The following RPL29 variants were observed in gnomAD, a reference collection of about 807,000 sequenced individuals.
RPL29 encodes large ribosomal subunit protein eL29.
In RPL29, 4 loss-of-function variants were observed where a neutral mutation model predicts 7.2. That is an observed-to-expected ratio of 0.55 (90% CI 0.27 to 1.26). The LOEUF is 1.26. Ranked by LOEUF, RPL29 falls within the 50% of genes most tolerant of loss-of-function variation. The pLI, the probability that RPL29 is intolerant of heterozygous loss-of-function variation, is 0.11. For synonymous variants in RPL29, 73 were observed against 72.8 expected, an observed-to-expected ratio of 1.00 and a Z score of -0.01; for missense variants, 148 against 209.1, an observed-to-expected ratio of 0.71 and a Z score of 1.80.
chr3:51,994,106 C>T lies in RPL29; in HGVS notation c.123G>A (p.Arg41=). Residue 41 remains arginine, a synonymous_variant, in exon 4 of 4, where the codon AGG becomes AGA. Transcript: ENST00000294189. ...TGTGCTTCTTGGCAAAGCGCATGTT[C>T]CTCAGGAACTTGGGGTCCACCTGAA... The part of the protein sequence containing the change: ...SLKGVDPKFL[R]NMRFAKKHNK... 2 of 1,599,376 alleles carry T rather than the reference C, an allele frequency of 1.3e-6. No individual in the cohort carries two copies. The highest frequency in any genetic ancestry group is 2.2e-5 in the East Asian group (1 of 44,734).
Position 51,993,946 on chromosome 3 carries a change from G to T in RPL29, c.283C>A (p.Arg95=). The change falls in exon 4 of 4, where the codon CGA becomes AGA. Residue 95 remains arginine (R), a synonymous_variant. Coordinates refer to ENST00000294189, the MANE Select transcript of RPL29 (RefSeq NM_000992.3). The part of the protein sequence containing the change: ...IPKGVSRKLD[R]LAYIAHPKLG... ...TTGGGGTGGGCAATGTAGGCAAGTC[G>T]ATCGAGCTTGCGGCTGACACCCTTT... 6.3e-7 allele frequency: 1 copy of T among 1,596,702 alleles called. No individual in the cohort carries two copies. Among genetic ancestry groups the T allele is most frequent in the Non-Finnish European group, 8.5e-7 (1 of 1,179,788 alleles).
chr3:51,994,879 T>G, intron 3 of RPL29, 163 bp downstream of exon 3: 1 of 779,962 alleles, frequency 1.3e-6, no homozygotes, highest in Non-Finnish European at 2.4e-6. Flanking sequence ...AAGGAAAGCT[T>G]TATTATGGGT....
At chr3:51,995,681 C>T (rs1701305149) in intron 1 of RPL29, 176 bp downstream of exon 1, 4 of 585,948 alleles carry the variant, frequency 6.8e-6, no homozygotes, top group Admixed American at 6.0e-5. Context: ...AGCTGCATTC[C>T]CCAATAAAGT....
chr3:51,995,488 G>T lies in RPL29; in HGVS notation c.-8-19C>A, dbSNP rs756695106. The stretch of plus-strand genomic sequence containing the variant: ...TCTGCACCTGGAAGACAAAAGTGGA[G>T]ATCAGGGTTAAGGGCTCGCCAGGCT... On this transcript the variant is annotated intron_variant, in intron 1 of 3. Coordinates refer to ENST00000294189, the MANE Select transcript of RPL29 (RefSeq NM_000992.3). The T allele has an allele frequency of 2.5e-6, 4 of 1,613,432 alleles. No individual in the cohort carries two copies. The South Asian group carries it at 3.3e-5, about 13-fold the overall frequency.
chr3:51,994,992 G>A, intron 3 of RPL29, 50 bp downstream of exon 3: 10 of 1,509,422 alleles, frequency 6.6e-6, no homozygotes, highest in Non-Finnish European at 9.2e-6. Context: ...GGCCTTGACT[G>A]TGCACCTGGA....
chr3:51,995,710 C>T (rs1559785488), intron 1 of RPL29, 147 bp downstream of exon 1: 1 of 546,686 alleles, frequency 1.8e-6, no homozygotes, highest in South Asian at 2.1e-5. Context: ...CTGCCATCCC[C>T]CTCCTAGGAC....
intron 1 of RPL29, 148 bp downstream of exon 1, chr3:51,995,709 C>G (rs1027856922): frequency 1.1e-5 from 6 of 554,722 alleles, no homozygotes; most frequent in Admixed American, 3.1e-5. Flanking sequence ...CCTGCCATCC[C>G]CCTCCTAGGA....
At position 51,995,022 on chromosome 3, in the gene RPL29, A is replaced by G. The variant is rs1321496526; in HGVS notation, c.102+20T>C. 6.2e-7 allele frequency: 1 copy of G among 1,603,676 alleles called. No individual in the cohort carries two copies. The highest frequency in any genetic ancestry group is 8.5e-7 in the Non-Finnish European group (1 of 1,170,812). ...CCTGGAACCAAGAAAAGACACTTCC[A>G]TGTGATTCAGTGCACTCACCCCCTT... On this transcript the variant is annotated intron_variant, in intron 3 of 3. Transcript: ENST00000294189.
At position 51,993,808 on chromosome 3, in the gene RPL29, C is replaced by G; in HGVS notation, c.421G>C (p.Ala141Pro). Residue 141 changes from alanine (A) to proline (P), a missense_variant, in exon 4 of 4, where the codon GCT becomes CCT. Coordinates refer to ENST00000294189, the MANE Select transcript of RPL29 (RefSeq NM_000992.3). ...DQTKAQAAAP[A>P]SVPAQAPKRT... ...TTGGGAGCCTGAGCTGGAACTGAAG[C>G]TGGGGCTGCAGCCTGGGCCTTGGTT... The G allele has an allele frequency of 1.3e-6, 2 of 1,596,112 alleles. No individual in the cohort carries two copies. Among genetic ancestry groups the G allele is most frequent in the South Asian group, 1.1e-5 (1 of 90,964 alleles).
rs1399587755 is a variant in RPL29 at position 51,993,971 on chromosome 3, T to G, written c.258A>C (p.Pro86=). 4.4e-6 allele frequency: 7 copies of G among 1,597,190 alleles called. No homozygotes were observed. The Admixed American group carries it at 1.2e-4, about 27-fold the overall frequency. ...VKPKEVKPKI[P]KGVSRKLDRL... ...GATCGAGCTTGCGGCTGACACCCTT[T>G]GGGATCTTGGGCTTAACCTCCTTGG... Residue 86 remains proline, a synonymous_variant, in exon 4 of 4, where the codon CCA becomes CCC. Coordinates refer to ENST00000294189, the MANE Select transcript of RPL29 (RefSeq NM_000992.3).
intron 3 of RPL29, 165 bp from the exon 4 acceptor site, chr3:51,994,291 C>A (rs937647652): frequency 2.2e-6 from 2 of 898,032 alleles, no homozygotes; most frequent in Non-Finnish European, 3.3e-6. Context: ...TGTACCACCA[C>A]CCCAGGGAGC....
At chr3:51,995,366 G>C (rs1701300530) in intron 2 of RPL29, 59 bp downstream of exon 2, 3 of 1,577,340 alleles carry the variant, frequency 1.9e-6, no homozygotes, top group Admixed American at 1.7e-5. Flanking sequence ...CTCTGTCCCA[G>C]TTTGCCTGAA....
rs768227761 is a variant in RPL29 at position 51,995,052 on chromosome 3, G to A, written c.92C>T (p.Ser31Phe). 3.7e-6 allele frequency: 6 copies of A among 1,612,868 alleles called. No homozygotes were observed. The highest frequency in any genetic ancestry group is 1.1e-5 in the South Asian group (1 of 91,040). ...ATTCAGTGCACTCACCCCCTTAAGA[G>A]ATTCGTATCTTTGTGATCGGGGTTT... Reference protein sequence around the residue: ...IKKPRSQRYESLKGVDPKFLR... With the variant: ...IKKPRSQRYEFLKGVDPKFLR... The change falls in exon 3 of 4, where the codon TCT becomes TTT. Residue 31 changes from serine to phenylalanine, a missense_variant. Coordinates refer to ENST00000294189, the MANE Select transcript of RPL29 (RefSeq NM_000992.3).
chr3:51,995,178 G>A, intron 2 of RPL29, 72 bp from the exon 3 acceptor site: 2 of 1,343,256 alleles, frequency 1.5e-6, no homozygotes, highest in Non-Finnish European at 2.1e-6. Context: ...CATCACAGCT[G>A]GCAAGTCTGG....
rs1178924539 is a variant in RPL29 at position 51,994,929 on chromosome 3, C to T, written c.102+113G>A. The T allele has an allele frequency of 3.2e-6, 3 of 931,810 alleles. No homozygotes were observed. In the Admixed American group the frequency reaches 5.1e-5, roughly 16 times the overall value. 57.7% of individuals were successfully genotyped at this position (931,810 alleles called of 1,614,324 possible). A position where few individuals can be genotyped will look rare whatever the true frequency, so the allele number is the denominator to read the frequency against. ...AAAGGAATTGCAGGCTTTGGGTGGG[C>T]CAGTTAGGCTGTGCTCAGGCAGAAG... On this transcript the variant is annotated intron_variant, in intron 3 of 3. Coordinates refer to ENST00000294189, the MANE Select transcript of RPL29 (RefSeq NM_000992.3).
In RPL29 at chr3:51,993,603, AG is replaced by A. The variant is rs1470669315; in HGVS notation, c.*145del. On this transcript the variant is annotated 3_prime_UTR_variant, in exon 4 of 4. Coordinates refer to ENST00000294189, the MANE Select transcript of RPL29 (RefSeq NM_000992.3). ...AGATGGAGCAACCAAACCCATCCCC[AG>A]GATCATAGACAGAGGCTAACAAATC... The A allele has an allele frequency of 4.6e-6, 4 of 863,508 alleles. No homozygotes were observed. Among genetic ancestry groups the A allele is most frequent in the Non-Finnish European group, 7.1e-6 (4 of 564,542 alleles). The allele number at this position is 863,508 out of a possible 1,614,324, so 53.5% of individuals were successfully genotyped here. A position where few individuals can be genotyped will look rare whatever the true frequency, so the allele number is the denominator to read the frequency against.
Position 51,994,115 on chromosome 3 carries a change from C to A in RPL29, c.114G>T (p.Lys38Asn). 6.3e-7 allele frequency: 1 copy of A among 1,595,974 alleles called. No homozygotes were observed. The highest frequency in any genetic ancestry group is 8.5e-7 in the Non-Finnish European group (1 of 1,170,622). Residue 38 changes from lysine (K) to asparagine (N), a missense_variant, in exon 4 of 4, where the codon AAG (lysine) becomes AAT (asparagine). Transcript: ENST00000294189. ...RYESLKGVDP[K>N]FLRNMRFAKK... is the part of the protein sequence containing the mutation. ...TGGCAAAGCGCATGTTCCTCAGGAA[C>A]TTGGGGTCCACCTGAAAAGCAGGAA...
chr3:51,994,843 G>C (rs975734703), intron 3 of RPL29, 199 bp downstream of exon 3: 2 of 723,624 alleles, frequency 2.8e-6, no homozygotes, highest in South Asian at 2.8e-5. Context: ...CCTGACCAGA[G>C]GGTTACACTT....
In RPL29 at chr3:51,995,150, TC is replaced by T. The variant is rs771802969; in HGVS notation, c.38-45del. The T allele has an allele frequency of 1.0e-5, 16 of 1,540,082 alleles. No homozygotes were observed. The South Asian group carries it at 1.8e-4, about 18-fold the overall frequency. ...GAATTAAGCCAACAAAGAACTTTCC[TC>T]TAATAAGACCACCCAACATCACAGC... On this transcript the variant is annotated intron_variant, in intron 2 of 3. Transcript: ENST00000294189.
Sources: allele counts gnomAD v4.1 joint callset, GRCh38; gene constraint gnomAD v4.1.1; transcripts MANE v1.5; gene names NCBI Gene and HGNC (gene_info 2026-07-23, HGNC 2026-07-21).